The following CHST15 variants were observed in gnomAD, a reference collection of about 807,000 sequenced individuals.
CHST15 encodes the protein B cell RAG associated protein (GALNAC4S-6ST).
CHST15 carries 30 observed loss-of-function variants against 53.6 expected under a neutral mutation model. That is an observed-to-expected ratio of 0.56 (90% CI 0.42 to 0.76). CHST15 has a LOEUF of 0.76. Among genes scored for constraint, CHST15 ranks in the 30% least tolerant of loss-of-function variants. The pLI is 0.00. For missense variants in CHST15, 627 were observed against 740.5 expected, an observed-to-expected ratio of 0.85 and a Z score of 1.78; for synonymous variants, 296 against 289.8, an observed-to-expected ratio of 1.02 and a Z score of -0.22.
chr10:124,021,003 C>CGAT (rs1946758080), intron 6 of CHST15: 1 of 1,423,668 alleles, frequency 7.0e-7, no homozygotes, highest in Admixed American at 3.1e-5. Context: ...TAAAGGCACC[C>CGAT]TCATCCTCCT....
chr10:124,038,146 A>G (rs559874444), intron 5 of CHST15, among the ~76,000 whole-genome samples: 4 of 150,008 alleles, frequency 2.7e-5, no homozygotes, highest in South Asian at 4.2e-4. Flanking sequence ...TCACTCTGAC[A>G]CCCAGGCTGG....
At chr10:124,014,940 C>T (rs1946540101) in intron 6 of CHST15, among the ~76,000 whole-genome samples, 1 of 152,156 alleles carries the variant, frequency 6.6e-6, no homozygotes, top group African/African-American at 2.4e-5. Flanking sequence ...CAGGGCTGAG[C>T]CAGGAAGCGG....
intron 3 of CHST15, among the ~76,000 whole-genome samples, chr10:124,044,097 G>GGGAACGGCACAGAGCAGA (rs1391187611): frequency 0.021 from 3,072 of 148,696 alleles, 119 homozygotes; most frequent in African/African-American, 0.074. Flanking sequence ...GCACAGAGCA[G>GGGAACGGCACAGAGCAGA]GGAACGGCAC....
chr10:124,083,141 A>C (rs1362552322), intron 1 of CHST15, among the ~76,000 whole-genome samples: 1 of 152,224 alleles, frequency 6.6e-6, no homozygotes, highest in African/African-American at 2.4e-5. Flanking sequence ...GTTTTTCAAA[A>C]GTCTGCTTTA....
In CHST15 at chr10:124,011,802, G is replaced by C. The variant is rs926850341; in HGVS notation, c.1495+531C>G. Reference sequence around the variant, plus strand: ...AGCCAAAACTCAGCCACACGGCTCTGACTCCTGGAATTTCCAAGAATACCG... The same window carrying C: ...AGCCAAAACTCAGCCACACGGCTCTCACTCCTGGAATTTCCAAGAATACCG... On this transcript the variant is annotated intron_variant, in intron 7 of 7. Transcript: ENST00000435907. 2.2e-5 allele frequency: 22 copies of C among 985,328 alleles called. No individual in the cohort carries two copies. The African/African-American group carries it at 3.8e-4, about 17-fold the overall frequency. 61.0% of individuals were successfully genotyped at this position (985,328 alleles called of 1,614,324 possible).
At chr10:124,020,247 CAGAA>C in intron 6 of CHST15, 2 of 985,526 alleles carry the variant, frequency 2.0e-6, no homozygotes, top group Non-Finnish European at 2.4e-6. Context: ...AACTGAGTCT[CAGAA>C]AGGCTGAGAC....
In CHST15 at chr10:124,029,066, G is replaced by A. The variant is rs184903830; in HGVS notation, c.1191-7654C>T. The stretch of plus-strand genomic sequence containing the variant: ...AGGGTTGTAATGAGAGGGAGCCAGG[G>A]CACCTGGCCTTGTTATTCTCCATTT... On this transcript the variant is annotated intron_variant, in intron 5 of 7. Transcript: ENST00000435907. Among the ~76,000 whole-genome samples, 63 of 152,348 alleles carry A rather than the reference G, an allele frequency of 4.1e-4. 1 individual carries two copies. Among genetic ancestry groups the A allele is most frequent in the Admixed American group, 3.9e-3 (59 of 15,300 alleles).
chr10:124,056,441 T>C (rs1948383252), intron 1 of CHST15, among the ~76,000 whole-genome samples: 1 of 152,174 alleles, frequency 6.6e-6, no homozygotes, highest in Admixed American at 6.5e-5. Context: ...GCTTGTCTCC[T>C]GCAGCCAGGA....
At position 124,082,723 on chromosome 10, in the gene CHST15, A is replaced by T. The variant is rs553580547; in HGVS notation, c.-513+10746T>A. Among the ~76,000 whole-genome samples, 19 of 152,372 alleles carry T rather than the reference A, an allele frequency of 1.2e-4. No individual in the cohort carries two copies. In the East Asian group the frequency reaches 3.7e-3, roughly 29 times the overall value. On this transcript the variant is annotated intron_variant, in intron 1 of 7. Transcript: ENST00000435907. ...AACTGTGGTCTATCCCTGCGATGGA[A>T]TATTATTCAGCCATGAAAAGGAAGG...
At chr10:124,025,889 T>TA (rs963002137) in intron 5 of CHST15, among the ~76,000 whole-genome samples, 3 of 152,244 alleles carry the variant, frequency 2.0e-5, no homozygotes, top group African/African-American at 7.2e-5. Context: ...GGACGGCTTT[T>TA]ATCCCTTAGG....
chr10:124,027,702 C>T (rs754784882), intron 5 of CHST15, among the ~76,000 whole-genome samples: 9 of 152,236 alleles, frequency 5.9e-5, no homozygotes, highest in Non-Finnish European at 8.8e-5. Context: ...TCTATCTTCA[C>T]AACCCCATAA....
rs921663424 is a variant in CHST15, at chr10:124,008,393, A to G, written c.*1756T>C. ...GTACTGCAAATAAATATACACACAC[A>G]CTGAAGTGATCTCTCCCTAAAGCAT... On this transcript the variant is annotated 3_prime_UTR_variant, in exon 8 of 8. Coordinates refer to ENST00000435907, the MANE Select transcript of CHST15 (RefSeq NM_001270764.2). 5 of 1,001,900 alleles carry G rather than the reference A, an allele frequency of 5.0e-6. No homozygotes were observed. In the African/African-American group the frequency reaches 8.6e-5, roughly 17 times the overall value. 62.1% of individuals were successfully genotyped at this position (1,001,900 alleles called of 1,614,324 possible).
intron 5 of CHST15, 61 bp from the exon 6 acceptor site, chr10:124,021,473 C>T (rs541728574): frequency 2.8e-5 from 44 of 1,555,142 alleles, no homozygotes; most frequent in Admixed American, 2.0e-4. Context: ...ACCATTTGGG[C>T]GACAATGAAA....
chr10:124,035,153 G>GACCCCGGCTCCGCCCCCTAACAGA (rs1947422754), intron 5 of CHST15, among the ~76,000 whole-genome samples: 2 of 145,736 alleles, frequency 1.4e-5, no homozygotes, highest in East Asian at 2.1e-4. Flanking sequence ...CCCCTAACGG[G>GACCCCGGCTCCGCCCCCTAACAGA]GACCCCGGCT....
intron 1 of CHST15, among the ~76,000 whole-genome samples, chr10:124,087,605 C>G (rs1369695157): frequency 6.6e-6 from 1 of 152,230 alleles, no homozygotes; most frequent in East Asian, 1.9e-4. Flanking sequence ...TTTTGAGGAT[C>G]TGCCAGCCTT....
At chr10:124,050,143 A>C (rs1370644797) in intron 1 of CHST15, among the ~76,000 whole-genome samples, 2 of 152,192 alleles carry the variant, frequency 1.3e-5, no homozygotes, top group Admixed American at 1.3e-4. Flanking sequence ...ACTCAGTAAG[A>C]TGGACAAGCA....
chr10:124,035,658 C>T (rs1415164203), intron 5 of CHST15, among the ~76,000 whole-genome samples: 1 of 152,234 alleles, frequency 6.6e-6, no homozygotes, highest in Non-Finnish European at 1.5e-5. Context: ...ACCTTGGCTC[C>T]ACCCTAAACA....
chr10:124,019,129 G>A lies in CHST15; in HGVS notation c.1347+2127C>T, dbSNP rs1946683353. ...GGAAAGTGTAGATGTGGCACGAAAT[G>A]GGCCTGGCCTGAGTCACAGCTGCAA... On this transcript the variant is annotated intron_variant, in intron 6 of 7. Coordinates refer to ENST00000435907, the MANE Select transcript of CHST15 (RefSeq NM_001270764.2). This position sits in a 1 kb window ranked among gnomAD's most constrained non-coding sequence, Gnocchi z 4.6. Among the ~76,000 whole-genome samples, 1 of 151,562 alleles carries A rather than the reference G, an allele frequency of 6.6e-6. No homozygotes were observed. The highest frequency in any genetic ancestry group is 2.1e-4 in the South Asian group (1 of 4,792).
chr10:124,044,849 C>G lies in CHST15; in HGVS notation c.617G>C (p.Gly206Ala), dbSNP rs113034115. 4.6e-6 allele frequency: 7 copies of G among 1,508,692 alleles called. No homozygotes were observed. Among genetic ancestry groups the G allele is most frequent in the Non-Finnish European group, 6.2e-6 (7 of 1,126,446 alleles). The allele number at this position is 1,508,692 out of a possible 1,614,324, so 93.5% of individuals were successfully genotyped here. ...KSPCWYEEFSGQNTTDPYLTN... is the reference protein window; with the variant it reads ...KSPCWYEEFSAQNTTDPYLTN... ...GAGGTAGGGGTCGGTGGTGTTCTGC[C>G]CCGAGAACTCCTCGTACCAACAGGG... The change falls in exon 3 of 8, where the codon GGG (glycine) becomes GCG (alanine). Residue 206 changes from glycine (G) to alanine (A), a missense_variant. By Grantham distance (60) the Gly-to-Ala change is moderately conservative. Transcript: ENST00000435907.
Sources: gnomAD v4.1 joint callset for allele counts (sites outside exome capture counted in the v4.1 genomes callset) on GRCh38, gnomAD v4.1.1 for gene constraint, Gnocchi (gnomAD v3.1) non-coding constraint, MANE v1.5 for transcripts, NCBI Gene and HGNC (gene_info 2026-07-23, HGNC 2026-07-21) for gene names.